Variants in LRRC4C observed in about 807,000 individuals in gnomAD.
The protein encoded by LRRC4C is leucine-rich repeat-containing protein 4C.
Under a neutral mutation model 33.6 loss-of-function variants are expected in LRRC4C, and 5 were observed. The ratio of observed to expected loss-of-function variants is 0.15; its 90% confidence interval spans 0.08 to 0.31. The LOEUF is 0.31. Ranked by LOEUF, LRRC4C falls within the 10% of genes least tolerant of loss-of-function variation. LRRC4C has a pLI of 1.00. For synonymous variants in LRRC4C, 329 were observed against 302.0 expected (o/e 1.09, Z -0.93); for missense variants, 560 against 796.7 (o/e 0.70, Z 3.58).
In LRRC4C at chr11:40,276,674, AGTGTGTGTGTGTGTGTGT is replaced by A. The variant is rs56155922; in HGVS notation, c.-175-35094_-175-35077del. Among the ~76,000 whole-genome samples, 261 of 127,646 alleles carry A rather than the reference AGTGTGTGTGTGTGTGTGT, an allele frequency of 2.0e-3. 1 individual carries two copies. The highest frequency in any genetic ancestry group is 7.2e-3 in the African/African-American group (243 of 33,620). 83.7% of individuals were successfully genotyped at this position (127,646 alleles called of 152,430 possible). A position where few individuals can be genotyped will look rare whatever the true frequency, so the allele number is the denominator to read the frequency against. ...CCCGGAGATAAATTGGTGGGAAACA[AGTGTGTGTGTGTGTGTGT>A]GTGTGTGTGTGTGTGTGTGTGTGTG... On this transcript the variant is annotated intron_variant, in intron 4 of 6. Transcript: ENST00000528697.
intron 4 of LRRC4C, among the ~76,000 whole-genome samples, chr11:40,274,822 G>T (rs1251437286): frequency 6.6e-6 from 1 of 152,072 alleles, no homozygotes; most frequent in Non-Finnish European, 1.5e-5. Flanking sequence ...TCAATGGAAT[G>T]TCACCTTTGA....
chr11:40,410,420 C>T (rs964798333), intron 3 of LRRC4C, among the ~76,000 whole-genome samples: 3 of 152,050 alleles, frequency 2.0e-5, no homozygotes, highest in South Asian at 2.1e-4. Flanking sequence ...TCAATTTAGA[C>T]TAGCCATATT....
intron 2 of LRRC4C, among the ~76,000 whole-genome samples, chr11:40,917,640 A>G (rs1413904894): frequency 6.6e-6 from 1 of 152,154 alleles, no homozygotes; most frequent in Admixed American, 6.6e-5. Context: ...TTTAGTCACT[A>G]TGTGATTGTA....
intron 1 of LRRC4C, among the ~76,000 whole-genome samples, chr11:41,256,951 T>A (rs1009743390): frequency 6.6e-6 from 1 of 151,982 alleles, no homozygotes; most frequent in Non-Finnish European, 1.5e-5. Context: ...TGCAAGATGA[T>A]CATAGGTTAT....
chr11:40,553,666 C>G (rs1047585861), intron 3 of LRRC4C, among the ~76,000 whole-genome samples: 3 of 152,132 alleles, frequency 2.0e-5, no homozygotes, highest in Non-Finnish European at 4.4e-5. Context: ...TTGCATTTAT[C>G]TGATGATTAG....
At chr11:40,432,540 A>G (rs909773960) in intron 3 of LRRC4C, among the ~76,000 whole-genome samples, 6 of 152,210 alleles carry the variant, frequency 3.9e-5, no homozygotes, top group Non-Finnish European at 7.3e-5. Flanking sequence ...TTACTTAGGA[A>G]AAGGTAGGAC....
chr11:41,150,667 A>G (rs1265775493), intron 1 of LRRC4C, among the ~76,000 whole-genome samples: 1 of 151,714 alleles, frequency 6.6e-6, no homozygotes, highest in Non-Finnish European at 1.5e-5. Context: ...ATGCTTGCCT[A>G]TATCCCAGCT....
At chr11:40,211,880 T>A (rs149513803) in intron 5 of LRRC4C, among the ~76,000 whole-genome samples, 430 of 152,318 alleles carry the variant, frequency 2.8e-3, no homozygotes, top group Middle Eastern at 0.01. Context: ...GTTTTTACTT[T>A]GAGACTGAGA....
chr11:40,795,979 T>C (rs1411846814), intron 2 of LRRC4C, among the ~76,000 whole-genome samples: 2 of 152,214 alleles, frequency 1.3e-5, no homozygotes, highest in East Asian at 3.9e-4. Context: ...CCCCAAATGA[T>C]AATACGTCTA....
intron 1 of LRRC4C, among the ~76,000 whole-genome samples, chr11:41,354,256 A>G (rs544538446): frequency 7.9e-5 from 12 of 152,192 alleles, no homozygotes; most frequent in African/African-American, 2.9e-4. Flanking sequence ...GAAATCAAGA[A>G]CACAATCACA....
intron 1 of LRRC4C, among the ~76,000 whole-genome samples, chr11:41,204,383 T>C (rs955644272): frequency 3.3e-5 from 5 of 152,228 alleles, no homozygotes; most frequent in Non-Finnish European, 5.9e-5. Context: ...GGGTGTGGTA[T>C]GATTGTGGCA....
rs143241296 is a variant in LRRC4C, at chr11:40,383,920, AATTATT to A, written c.-269-64205_-269-64200del. 7.5e-3 allele frequency among the ~76,000 whole-genome samples: 1,014 copies of A among 135,394 alleles called. 15 individuals are homozygous for A. Among genetic ancestry groups the A allele is most frequent in the Non-Finnish European group, 8.0e-3 (527 of 65,870 alleles). The allele number at this position is 135,394 out of a possible 152,430, so 88.8% of individuals were successfully genotyped here. A position where few individuals can be genotyped will look rare whatever the true frequency, so the allele number is the denominator to read the frequency against. On this transcript the variant is annotated intron_variant, in intron 3 of 6. Coordinates refer to ENST00000528697, the MANE Select transcript of LRRC4C (RefSeq NM_001258419.2). ...GGCTCCCTTGCTTATTTTTAATTCA[AATTATT>A]ATTATTATTATTATTATTATTATTA...
At chr11:40,429,257 A>G (rs1950824876) in intron 3 of LRRC4C, among the ~76,000 whole-genome samples, 1 of 152,152 alleles carries the variant, frequency 6.6e-6, no homozygotes, top group East Asian at 1.9e-4. Context: ...TATTTTTAGT[A>G]GAGATGAGGT....
intron 2 of LRRC4C, among the ~76,000 whole-genome samples, chr11:40,716,301 G>A (rs1048480122): frequency 1.3e-5 from 2 of 152,080 alleles, no homozygotes; most frequent in Middle Eastern, 3.4e-3. Context: ...ATTCTTCATA[G>A]TTTACACATG....
At chr11:41,253,349 C>G (rs1948702450) in intron 1 of LRRC4C, among the ~76,000 whole-genome samples, 1 of 152,086 alleles carries the variant, frequency 6.6e-6, no homozygotes, top group South Asian at 2.1e-4. Flanking sequence ...TTAAGCAAAG[C>G]TGCTCTAAGT....
chr11:40,591,044 C>T (rs985452489), intron 3 of LRRC4C, among the ~76,000 whole-genome samples: 10 of 152,194 alleles, frequency 6.6e-5, no homozygotes, highest in African/African-American at 2.2e-4. Flanking sequence ...TACCTAAGCA[C>T]GCCTGGGCAA....
chr11:40,925,123 TTCTCTC>T (rs56945447), intron 2 of LRRC4C, among the ~76,000 whole-genome samples: 2 of 149,444 alleles, frequency 1.3e-5, no homozygotes, highest in African/African-American at 2.5e-5. Context: ...CCCCAAATAT[TTCTCTC>T]TCTCTCTCTC....
chr11:40,767,570 C>T (rs1428819710), intron 2 of LRRC4C, among the ~76,000 whole-genome samples: 6 of 151,958 alleles, frequency 3.9e-5, no homozygotes, highest in Non-Finnish European at 8.8e-5. Context: ...ACCACATCTT[C>T]AGCCATAAAA....
chr11:40,142,053 T>G (rs1239171715), intron 5 of LRRC4C, among the ~76,000 whole-genome samples: 2 of 151,908 alleles, frequency 1.3e-5, no homozygotes, highest in Non-Finnish European at 2.9e-5. Flanking sequence ...GAGGCCGAGG[T>G]GGGTGGATCA....
Sources: gnomAD v4.1 joint callset for allele counts (sites outside exome capture counted in the v4.1 genomes callset) on GRCh38, gnomAD v4.1.1 for gene constraint, MANE v1.5 for transcripts, NCBI Gene and HGNC (gene_info 2026-07-23, HGNC 2026-07-21) for gene names.